FBXO22: variants seen among roughly 807,000 people sequenced by gnomAD.
FBXO22 encodes the protein F-box protein 22.
A neutral mutation model predicts 37.2 loss-of-function variants in FBXO22; 13 were observed. That is an observed-to-expected ratio of 0.35 (90% CI 0.23 to 0.56). The LOEUF is 0.56. FBXO22 is among the 20% of genes least tolerant of loss of function. The pLI is 0.87. For missense variants in FBXO22, 446 were observed against 509.9 expected (o/e 0.87, Z 1.21); for synonymous variants, 189 against 189.1 (o/e 1.00, Z 0.00).
intron 4 of FBXO22, among the ~76,000 whole-genome samples, chr15:75,915,004 G>C (rs1900150000): frequency 6.6e-6 from 1 of 152,214 alleles, no homozygotes; most frequent in Non-Finnish European, 1.5e-5. Context: ...TTTCACTCTT[G>C]TCACCAAGGT....
chr15:75,930,845 C>T (rs2029983853), intron 6 of FBXO22: 1 of 985,034 alleles, frequency 1.0e-6, no homozygotes, highest in Non-Finnish European at 1.2e-6. Context: ...AGAGTGGTGA[C>T]ATGGGGACAG....
intron 5 of FBXO22, among the ~76,000 whole-genome samples, chr15:75,925,033 G>A (rs1160902982): frequency 6.6e-6 from 1 of 152,174 alleles, no homozygotes; most frequent in Non-Finnish European, 1.5e-5. Context: ...AGGGTCAAGA[G>A]AGGAAGTTCT....
intron 5 of FBXO22, among the ~76,000 whole-genome samples, chr15:75,923,971 G>A (rs377274979): frequency 2.0e-5 from 3 of 152,244 alleles, no homozygotes; most frequent in African/African-American, 4.8e-5. Flanking sequence ...GATGTCATGC[G>A]GGTATGTGGC....
intron 2 of FBXO22, 81 bp downstream of exon 2, chr15:75,904,710 G>C (rs2141699164): frequency 7.3e-7 from 1 of 1,362,606 alleles, no homozygotes; most frequent in Non-Finnish European, 9.5e-7. Context: ...TTAAATCCCA[G>C]TTTTGTTAAT....
chr15:75,929,489 C>G (rs1254025404), intron 5 of FBXO22, among the ~76,000 whole-genome samples: 3 of 151,116 alleles, frequency 2.0e-5, no homozygotes, highest in Admixed American at 6.6e-5. Context: ...CTCACTGCTG[C>G]TAGCACAGCT....
At chr15:75,907,311 G>A (rs929049493) in intron 2 of FBXO22, among the ~76,000 whole-genome samples, 1 of 152,244 alleles carries the variant, frequency 6.6e-6, no homozygotes, top group Non-Finnish European at 1.5e-5. Flanking sequence ...TTGTTGTGAG[G>A]ATTAAATAAT....
chr15:75,927,207 G>A (rs1028134451), intron 5 of FBXO22, among the ~76,000 whole-genome samples: 2 of 152,180 alleles, frequency 1.3e-5, no homozygotes, highest in African/African-American at 2.4e-5. Context: ...ATGGTGCTTC[G>A]CTTGACTCAG....
intron 2 of FBXO22, among the ~76,000 whole-genome samples, chr15:75,908,277 GT>G (rs1416474003): frequency 8.0e-4 from 114 of 141,744 alleles, no homozygotes; most frequent in African/African-American, 7.2e-4. Flanking sequence ...GTTTTGTTTG[GT>G]TTTTTTTTTT....
Position 75,903,878 on chromosome 15 carries a change from AG to A in FBXO22, c.-85del. On this transcript the variant is annotated 5_prime_UTR_variant, in exon 1 of 7. The change creates a new upstream start codon in the 5' untranslated region. Transcript: ENST00000308275. ...CCGGAAGTGGCGCGGACGCCTGCTCAGTGCGCGCCGGCCGGGCAACCCTATG... is the reference window on the plus strand; with the variant it reads ...CCGGAAGTGGCGCGGACGCCTGCTCATGCGCGCCGGCCGGGCAACCCTATG... 7.2e-7 allele frequency: 1 copy of A among 1,379,716 alleles called. No homozygotes were observed. Among genetic ancestry groups the A allele is most frequent in the Non-Finnish European group, 9.4e-7 (1 of 1,061,832 alleles). The allele number at this position is 1,379,716 out of a possible 1,614,324, so 85.5% of individuals were successfully genotyped here.
At chr15:75,911,593 G>A (rs1900053206) in intron 2 of FBXO22, among the ~76,000 whole-genome samples, 1 of 152,116 alleles carries the variant, frequency 6.6e-6, no homozygotes, top group Admixed American at 6.6e-5. Context: ...AGAAATGCTT[G>A]TGATTTCTGC....
At chr15:75,917,456 A>G in intron 5 of FBXO22, 62 bp downstream of exon 5, 1 of 1,281,762 alleles carries the variant, frequency 7.8e-7, no homozygotes, top group Non-Finnish European at 1.1e-6. Context: ...TTTCTTTTTA[A>G]TTCTGGCTAG....
chr15:75,910,197 T>C (rs1427002776), intron 2 of FBXO22: 2 of 152,256 alleles, frequency 1.3e-5, no homozygotes, highest in Non-Finnish European at 2.9e-5. Flanking sequence ...TTTCAAGTCT[T>C]TGCTATTGTG....
intron 5 of FBXO22, among the ~76,000 whole-genome samples, chr15:75,919,352 C>T (rs1900269159): frequency 6.6e-6 from 1 of 152,158 alleles, no homozygotes; most frequent in Non-Finnish European, 1.5e-5. Flanking sequence ...TGAGATAATG[C>T]ATATGTGAAT....
rs1258858568 is a variant in FBXO22 at position 75,938,282 on chromosome 15, A to G, written c.*5180A>G. 1 of 152,224 alleles carries G rather than the reference A, an allele frequency of 6.6e-6. No homozygotes were observed. Among genetic ancestry groups the G allele is most frequent in the East Asian group, 1.9e-4 (1 of 5,196 alleles). 9.4% of individuals were successfully genotyped at this position (152,224 alleles called of 1,614,324 possible). A position where few individuals can be genotyped will look rare whatever the true frequency, so the allele number is the denominator to read the frequency against. On this transcript the variant is annotated 3_prime_UTR_variant, in exon 7 of 7. Coordinates refer to ENST00000308275, the MANE Select transcript of FBXO22 (RefSeq NM_147188.3). ...TCAAAACAAATGGATGACAGCTTTTAAAAATAAAAAAACAATGAACCAGAA... is the reference window on the plus strand; with the variant it reads ...TCAAAACAAATGGATGACAGCTTTTGAAAATAAAAAAACAATGAACCAGAA...
chr15:75,915,449 A>G (rs1470241790), intron 4 of FBXO22, among the ~76,000 whole-genome samples: 1 of 152,162 alleles, frequency 6.6e-6, no homozygotes, highest in African/African-American at 2.4e-5. Context: ...TAAAGGGCTT[A>G]ACATTTTTTT....
rs149770482 is a variant in FBXO22, at chr15:75,917,798, G to A, written c.628+404G>A. Among the ~76,000 whole-genome samples, 458 of 152,138 alleles carry A rather than the reference G, an allele frequency of 3.0e-3. 3 individuals carry two copies. The highest frequency in any genetic ancestry group is 4.8e-3 in the South Asian group (23 of 4,820). ...AGCATTTTAGAAGTTTTTAGAATAC[G>A]CGGGTTAGTTCTTTGTGAACTAATT... On this transcript the variant is annotated intron_variant, in intron 5 of 6. Coordinates refer to ENST00000308275, the MANE Select transcript of FBXO22 (RefSeq NM_147188.3).
In FBXO22 at chr15:75,925,538, TAG is replaced by T. The variant is rs1421322090; in HGVS notation, c.629-4341_629-4340del. Among the ~76,000 whole-genome samples, 3 of 152,078 alleles carry T rather than the reference TAG, an allele frequency of 2.0e-5. No individual in the cohort carries two copies. In the East Asian group the frequency reaches 5.8e-4, roughly 29 times the overall value. ...GTTTTAAAATTATCTGAGGACATCA[TAG>T]AGAGTCTTGAGGGGTCATAGGCAGT... On this transcript the variant is annotated intron_variant, in intron 5 of 6. Transcript: ENST00000308275.
Position 75,941,819 on chromosome 15 carries a change from G to A in FBXO22, c.*8717G>A, listed in dbSNP as rs377185444. On this transcript the variant is annotated 3_prime_UTR_variant, in exon 7 of 7. Coordinates refer to ENST00000308275, the MANE Select transcript of FBXO22 (RefSeq NM_147188.3). ...TAGTGTGGGATCATGAAAAAGTTCC[G>A]GAGGTGCATAGTGGTGACTGGTACA... 4.6e-5 allele frequency: 7 copies of A among 151,972 alleles called. No homozygotes were observed. The highest frequency in any genetic ancestry group is 7.2e-5 in the African/African-American group (3 of 41,422). 9.4% of individuals were successfully genotyped at this position (151,972 alleles called of 1,614,324 possible).
In FBXO22 at chr15:75,929,244, C is replaced by T. The variant is rs538612496; in HGVS notation, c.629-640C>T. Among the ~76,000 whole-genome samples the T allele has an allele frequency of 2.0e-5, 3 of 151,570 alleles. No individual in the cohort carries two copies. The East Asian group carries it at 5.8e-4, about 29-fold the overall frequency. On this transcript the variant is annotated intron_variant, in intron 5 of 6. Coordinates refer to ENST00000308275, the MANE Select transcript of FBXO22 (RefSeq NM_147188.3). ...GGACACTGTCATTGGATTTAGAGCC[C>T]ACGTGGATAGACCAGATGATTTAAT...
Sources: gnomAD v4.1 joint callset for allele counts (sites outside exome capture counted in the v4.1 genomes callset) on GRCh38, gnomAD v4.1.1 for gene constraint, MANE v1.5 for transcripts, NCBI Gene and HGNC (gene_info 2026-07-23, HGNC 2026-07-21) for gene names.